GLMN: variants seen among roughly 807,000 people sequenced by gnomAD.
GLMN encodes the protein glomulin.
Under a neutral mutation model 87.8 loss-of-function variants are expected in GLMN, and 75 were observed. That is an observed-to-expected ratio of 0.85 (90% confidence interval 0.71 to 1.04). The LOEUF is 1.04. Among genes scored for constraint, GLMN ranks in the 50% least tolerant of loss-of-function variants. The pLI is 0.00. For synonymous variants in GLMN, 206 were observed against 221.6 expected (o/e 0.93, Z 0.63); for missense variants, 588 against 658.8 (o/e 0.89, Z 1.18).
intron 7 of GLMN, among the ~76,000 whole-genome samples, chr1:92,272,981 C>G (rs1265297569): frequency 6.6e-6 from 1 of 152,042 alleles, no homozygotes; most frequent in Non-Finnish European, 1.5e-5. Context: ...ACAAAAAAAG[C>G]GTAAGAAAGT....
At chr1:92,291,375 T>A (rs764369275) in intron 4 of GLMN, 43 bp downstream of exon 4, 3 of 1,475,292 alleles carry the variant, frequency 2.0e-6, no homozygotes, top group East Asian at 4.5e-5. Flanking sequence ...TATAAAATAC[T>A]GCTGTGTGTT....
chr1:92,300,008 A>G (rs1052605393), upstream of GLMN, among the ~76,000 whole-genome samples: 3 of 152,208 alleles, frequency 2.0e-5, no homozygotes, highest in East Asian at 3.8e-4. Flanking sequence ...GGTACAGCCT[A>G]TTGCTCCCAG....
At chr1:92,266,354 T>C in intron 13 of GLMN, 65 bp downstream of exon 13, 1 of 854,998 alleles carries the variant, frequency 1.2e-6, no homozygotes, top group Admixed American at 1.7e-5. Flanking sequence ...CTAAAACAAT[T>C]ACATGGCATT....
chr1:92,270,858 T>C (rs1164881011), intron 8 of GLMN, among the ~76,000 whole-genome samples: 1 of 152,078 alleles, frequency 6.6e-6, no homozygotes, highest in East Asian at 1.9e-4. Context: ...TCATAACATT[T>C]AAACTAGAAA....
chr1:92,342,105 G>A, the GLMN span, among the ~76,000 whole-genome samples: 1 of 152,164 alleles, frequency 6.6e-6, no homozygotes, highest in Non-Finnish European at 1.5e-5. Flanking sequence ...TTCTAATAGA[G>A]GGAGTACAAA....
chr1:92,342,508 C>A, the GLMN span, among the ~76,000 whole-genome samples: 1 of 152,076 alleles, frequency 6.6e-6, no homozygotes, highest in African/African-American at 2.4e-5. Context: ...AGGGTAATTG[C>A]TAGGTTCTGA....
At chr1:92,365,394 T>TA in the GLMN span, among the ~76,000 whole-genome samples, 72,449 of 151,908 alleles carry the variant, frequency 0.48, 18,283 homozygotes, top group East Asian at 0.96. Flanking sequence ...GGGGAGGTTT[T>TA]AAAAAAATAC....
chr1:92,260,629 G>C (rs969416606), intron 16 of GLMN, among the ~76,000 whole-genome samples: 4 of 149,854 alleles, frequency 2.7e-5, no homozygotes, highest in African/African-American at 9.8e-5. Flanking sequence ...AAAAAAAGAA[G>C]TGCCTGTAAT....
intron 11 of GLMN, 73 bp downstream of exon 11, chr1:92,267,840 C>T (rs1164860184): frequency 2.5e-6 from 2 of 814,018 alleles, no homozygotes; most frequent in East Asian, 4.9e-5. Context: ...GGAAAGGAAT[C>T]AGAAAAGACC....
chr1:92,300,336 G>C, upstream of GLMN: 1 of 906,432 alleles, frequency 1.1e-6, no homozygotes, highest in Non-Finnish European at 1.7e-6. Flanking sequence ...TTTTTTTTTA[G>C]AGAAAATTAT....
At chr1:92,319,118 C>G in the GLMN span, among the ~76,000 whole-genome samples, 1 of 152,046 alleles carries the variant, frequency 6.6e-6, no homozygotes, top group Admixed American at 6.5e-5. Context: ...CCTCAAATGC[C>G]TTTATATACA....
At chr1:92,341,552 T>C in the GLMN span, among the ~76,000 whole-genome samples, 2 of 152,192 alleles carry the variant, frequency 1.3e-5, no homozygotes, top group East Asian at 1.9e-4. Flanking sequence ...ACAGTGATAA[T>C]ACAGCAGACA....
At chr1:92,359,751 G>A in the GLMN span, among the ~76,000 whole-genome samples, 1 of 152,222 alleles carries the variant, frequency 6.6e-6, no homozygotes, top group Admixed American at 6.5e-5. Context: ...GAATGGTGAT[G>A]AAAATCAGAG....
chr1:92,339,130 A>G, the GLMN span, among the ~76,000 whole-genome samples: 1 of 152,134 alleles, frequency 6.6e-6, no homozygotes, highest in Non-Finnish European at 1.5e-5. Context: ...ATATTTTTCT[A>G]TAGATCTAAT....
chr1:92,352,740 T>C, the GLMN span, among the ~76,000 whole-genome samples: 2 of 152,324 alleles, frequency 1.3e-5, no homozygotes, highest in South Asian at 4.1e-4. Flanking sequence ...ATACAAAATA[T>C]ACAATTCACT....
At chr1:92,265,754 G>C (rs1655571662) in intron 13 of GLMN, among the ~76,000 whole-genome samples, 1 of 152,130 alleles carries the variant, frequency 6.6e-6, no homozygotes, top group Non-Finnish European at 1.5e-5. Context: ...CGCCAAAAAA[G>C]AACAGTACTA....
the GLMN span, among the ~76,000 whole-genome samples, chr1:92,317,626 T>C: frequency 4.4e-4 from 67 of 152,292 alleles, no homozygotes; most frequent in African/African-American, 1.5e-3. Context: ...ATGGTGGCGA[T>C]AGTTGCACAA....
rs185546136 is a variant in GLMN at position 92,293,352 on chromosome 1, G to A, written c.166-1815C>T. Among the ~76,000 whole-genome samples, 5 of 152,108 alleles carry A rather than the reference G, an allele frequency of 3.3e-5. No homozygotes were observed. The East Asian group carries it at 5.8e-4, about 18-fold the overall frequency. On this transcript the variant is annotated intron_variant, in intron 3 of 18. Transcript: ENST00000370360. ...GAAAAGGAAACCCTCATATATTGTC[G>A]CGACATGTATTGTCGCGATCTCAGC...
At chr1:92,304,359 A>G in the GLMN span, 1 of 1,468,242 alleles carries the variant, frequency 6.8e-7, no homozygotes, top group Non-Finnish European at 9.3e-7. Context: ...GGTGAGTTTA[A>G]AGGCTTTCAT....
Sources: gnomAD v4.1 joint callset for allele counts (sites outside exome capture counted in the v4.1 genomes callset) on GRCh38, gnomAD v4.1.1 for gene constraint, MANE v1.5 for transcripts, NCBI Gene and HGNC (gene_info 2026-07-23, HGNC 2026-07-21) for gene names.